The following LRRC4C variants were observed in gnomAD, a reference collection of about 807,000 sequenced individuals.
LRRC4C encodes leucine rich repeat containing 4C.
LRRC4C carries 5 observed loss-of-function variants against 33.6 expected under a neutral mutation model. The ratio of observed to expected loss-of-function variants is 0.15; its 90% CI spans 0.08 to 0.31. The LOEUF (loss-of-function observed/expected upper bound fraction) is 0.31. Ranked by LOEUF, LRRC4C falls within the 10% of genes least tolerant of loss-of-function variation. The pLI, the probability that LRRC4C is intolerant of heterozygous loss-of-function variation, is 1.00. For missense variants in LRRC4C, 560 were observed against 796.7 expected, an observed-to-expected ratio of 0.70 and a Z score of 3.58; for synonymous variants, 329 against 302.0, an observed-to-expected ratio of 1.09 and a Z score of -0.93.
intron 2 of LRRC4C, among the ~76,000 whole-genome samples, chr11:40,904,310 C>T (rs1039629439): frequency 1.4e-5 from 2 of 144,388 alleles, no homozygotes; most frequent in Admixed American, 6.8e-5. Context: ...GCTCCCAAAC[C>T]AATTAATGAC....
intron 3 of LRRC4C, among the ~76,000 whole-genome samples, chr11:40,456,668 T>G (rs896015027): frequency 2.0e-5 from 3 of 152,026 alleles, no homozygotes; most frequent in African/African-American, 4.8e-5. Flanking sequence ...AAAAATTCTC[T>G]CCAGTGTCCA....
chr11:41,362,235 C>T (rs1048518008), intron 1 of LRRC4C, among the ~76,000 whole-genome samples: 5 of 152,044 alleles, frequency 3.3e-5, no homozygotes, highest in Admixed American at 6.6e-5. Context: ...CCACATCTTG[C>T]TGAAAAATCT....
intron 3 of LRRC4C, among the ~76,000 whole-genome samples, chr11:40,350,572 C>T (rs1325748694): frequency 6.6e-6 from 1 of 151,924 alleles, no homozygotes; most frequent in Admixed American, 6.6e-5. Flanking sequence ...TTTAGCTATT[C>T]TTAATGTTTT....
In LRRC4C at chr11:41,025,777, A is replaced by G. The variant is rs537971104; in HGVS notation, c.-495-92054T>C. Among the ~76,000 whole-genome samples, 28 of 151,890 alleles carry G rather than the reference A, an allele frequency of 1.8e-4. No individual in the cohort carries two copies. The South Asian group carries it at 4.6e-3, about 25-fold the overall frequency. On this transcript the variant is annotated intron_variant, in intron 1 of 6. Transcript: ENST00000528697. ...TACTGGAAAAAAGATGCCATCTAGA[A>G]CTTTCATAGCTAGAGAGAAAAAGAC...
chr11:40,334,476 G>T (rs1946507609), intron 3 of LRRC4C, among the ~76,000 whole-genome samples: 1 of 152,172 alleles, frequency 6.6e-6, no homozygotes, highest in Admixed American at 6.5e-5. Flanking sequence ...ACCACCAAAT[G>T]TGAGTAGGGG....
At chr11:40,299,356 G>T (rs1298501135) in intron 4 of LRRC4C, among the ~76,000 whole-genome samples, 2 of 152,152 alleles carry the variant, frequency 1.3e-5, no homozygotes, top group African/African-American at 4.8e-5. Context: ...ACTTTAGAGA[G>T]ACCACTATCA....
intron 2 of LRRC4C, among the ~76,000 whole-genome samples, chr11:40,765,971 C>T (rs147202559): frequency 4.6e-4 from 69 of 150,944 alleles, no homozygotes; most frequent in Middle Eastern, 6.8e-3. Flanking sequence ...TATTCACATA[C>T]AAGAATATTA....
chr11:40,696,751 T>TATATATATATAC (rs1478859877), intron 2 of LRRC4C, among the ~76,000 whole-genome samples: 1 of 111,880 alleles, frequency 8.9e-6, no homozygotes, highest in African/African-American at 3.6e-5. Context: ...ACACTGTGTA[T>TATATATATATAC]ATATATATAT....
chr11:40,887,841 T>C (rs535412719), intron 2 of LRRC4C, among the ~76,000 whole-genome samples: 2 of 152,190 alleles, frequency 1.3e-5, no homozygotes, highest in South Asian at 2.1e-4. Flanking sequence ...TTGCATTCTA[T>C]ATCCTTGTGG....
In LRRC4C at chr11:41,279,424, A is replaced by C. The variant is rs181603278; in HGVS notation, c.-496+180007T>G. On this transcript the variant is annotated intron_variant, in intron 1 of 6. Coordinates refer to ENST00000528697, the MANE Select transcript of LRRC4C (RefSeq NM_001258419.2). ...CACACACACACACACACACACACAC[A>C]CACACCGTGGCAATCACTGCCTGCA... 7.6e-4 allele frequency among the ~76,000 whole-genome samples: 98 copies of C among 128,704 alleles called. 1 individual carries two copies. The highest frequency in any genetic ancestry group is 6.8e-3 in the East Asian group (20 of 2,952). 84.4% of individuals were successfully genotyped at this position (128,704 alleles called of 152,430 possible).
intron 4 of LRRC4C, among the ~76,000 whole-genome samples, chr11:40,261,727 A>T (rs2136264742): frequency 6.6e-6 from 1 of 152,328 alleles, no homozygotes. Flanking sequence ...TGACAAAAAC[A>T]AGCAATGGGG....
rs555220272 is a variant in LRRC4C, at chr11:40,916,324, G to T, written c.-407+17311C>A. On this transcript the variant is annotated intron_variant, in intron 2 of 6. Coordinates refer to ENST00000528697, the MANE Select transcript of LRRC4C (RefSeq NM_001258419.2). ...AATATCCAACAATGATAGACTGGAT[G>T]AAGAAAATGTGGCACATATACACCA... 7.8e-3 allele frequency among the ~76,000 whole-genome samples: 1,187 copies of T among 152,200 alleles called. 8 individuals are homozygous for T. The highest frequency in any genetic ancestry group is 0.02 in the Middle Eastern group (6 of 294).
At chr11:40,685,604 A>G (rs761784892) in intron 2 of LRRC4C, among the ~76,000 whole-genome samples, 3 of 151,990 alleles carry the variant, frequency 2.0e-5, no homozygotes, top group Non-Finnish European at 4.4e-5. Flanking sequence ...GAAAACCTGG[A>G]AAATAGAATT....
At chr11:40,839,932 T>G (rs1952840347) in intron 2 of LRRC4C, among the ~76,000 whole-genome samples, 1 of 152,184 alleles carries the variant, frequency 6.6e-6, no homozygotes, top group Non-Finnish European at 1.5e-5. Flanking sequence ...ATTGATGGAC[T>G]AGGTAGAGAA....
chr11:40,959,074 GC>G (rs1241358207), intron 1 of LRRC4C, among the ~76,000 whole-genome samples: 1 of 151,592 alleles, frequency 6.6e-6, no homozygotes, highest in African/African-American at 2.4e-5. Context: ...TCACTAAGAA[GC>G]TTTGAAAATG....
chr11:41,138,966 A>C (rs560647069), intron 1 of LRRC4C, among the ~76,000 whole-genome samples: 2 of 152,262 alleles, frequency 1.3e-5, no homozygotes, highest in African/African-American at 2.4e-5. Context: ...AAGCCATGTT[A>C]TGTGTAACTG....
intron 2 of LRRC4C, among the ~76,000 whole-genome samples, chr11:40,840,621 T>C (rs1462732358): frequency 2.0e-5 from 3 of 152,186 alleles, no homozygotes; most frequent in Non-Finnish European, 4.4e-5. Context: ...CTGTTATGGT[T>C]TCCTTGAACT....
At chr11:40,793,812 G>A (rs1445731765) in intron 2 of LRRC4C, among the ~76,000 whole-genome samples, 2 of 152,062 alleles carry the variant, frequency 1.3e-5, no homozygotes, top group Non-Finnish European at 2.9e-5. Flanking sequence ...ACTTCTTTGT[G>A]CTTTTATGTA....
intron 3 of LRRC4C, among the ~76,000 whole-genome samples, chr11:40,448,055 C>T (rs773113297): frequency 4.4e-4 from 67 of 152,018 alleles, no homozygotes; most frequent in Non-Finnish European, 8.8e-4. Flanking sequence ...GACCGCCTAC[C>T]TCAGTCCCCC....
Sources: gnomAD v4.1 joint callset for allele counts (sites outside exome capture counted in the v4.1 genomes callset) on GRCh38, gnomAD v4.1.1 for gene constraint, MANE v1.5 for transcripts, NCBI Gene and HGNC (gene_info 2026-07-23, HGNC 2026-07-21) for gene names.